CHEK1: variants seen among roughly 807,000 people sequenced by gnomAD.
CHEK1 encodes checkpoint kinase 1, also known as serine/threonine-protein kinase Chk1.
A neutral mutation model predicts 60.2 loss-of-function variants in CHEK1; 32 were observed. The ratio of observed to expected loss-of-function variants is 0.53; its 90% confidence interval spans 0.40 to 0.71. The LOEUF is 0.71. Among genes scored for constraint, CHEK1 ranks in the 30% least tolerant of loss-of-function variants. CHEK1 has a pLI of 0.00. For synonymous variants in CHEK1, 179 were observed against 187.2 expected, an observed-to-expected ratio of 0.96 and a Z score of 0.36; for missense variants, 399 against 564.6, an observed-to-expected ratio of 0.71 and a Z score of 2.97.
chr11:125,644,349 TTAGATA>T, intron 10 of CHEK1, 81 bp downstream of exon 10: 1 of 1,475,216 alleles, frequency 6.8e-7, no homozygotes, highest in Non-Finnish European at 9.1e-7. Context: ...TGTGTAAATC[TTAGATA>T]TATAACTTTT....
intron 13 of CHEK1, among the ~76,000 whole-genome samples, chr11:125,664,791 T>C (rs1402030800): frequency 6.6e-6 from 1 of 152,232 alleles, no homozygotes; most frequent in African/African-American, 2.4e-5. Context: ...ATACTATGTC[T>C]GTTTTTGCTT....
intron 8 of CHEK1, chr11:125,643,563 T>G: frequency 2.1e-6 from 1 of 483,778 alleles, no homozygotes; most frequent in Non-Finnish European, 3.7e-6. Context: ...AGATCATACT[T>G]AGGTATTGTA....
intron 11 of CHEK1, among the ~76,000 whole-genome samples, chr11:125,647,426 T>C (rs1166284113): frequency 6.6e-6 from 1 of 152,102 alleles, no homozygotes; most frequent in African/African-American, 2.4e-5. Context: ...ACTATGTTGA[T>C]TACTGTAGCT....
At chr11:125,641,308 C>T (rs753054080) in intron 8 of CHEK1, among the ~76,000 whole-genome samples, 5 of 152,082 alleles carry the variant, frequency 3.3e-5, no homozygotes, top group South Asian at 2.1e-4. Flanking sequence ...TCTCACTGGT[C>T]GCTCTTTTCA....
In CHEK1 at chr11:125,633,496, T is replaced by C. The variant is rs1278601938; in HGVS notation, c.613+145T>C. ...GACAGGGTCTCACTCTTGGCCAGAC[T>C]GGAGTACAGTGAGCTGTTATAGCTC... On this transcript the variant is annotated intron_variant, in intron 6 of 12. Coordinates refer to ENST00000438015, the MANE Select transcript of CHEK1 (RefSeq NM_001114122.3). 8.1e-6 allele frequency: 5 copies of C among 618,208 alleles called. No individual in the cohort carries two copies. In the African/African-American group the frequency reaches 9.7e-5, roughly 12 times the overall value. The allele number at this position is 618,208 out of a possible 1,614,324, so 38.3% of individuals were successfully genotyped here.
intron 11 of CHEK1, among the ~76,000 whole-genome samples, chr11:125,651,618 AG>A (rs1941737328): frequency 6.6e-6 from 1 of 152,060 alleles, no homozygotes; most frequent in Non-Finnish European, 1.5e-5. Flanking sequence ...GTCATTTTAG[AG>A]GGTCAGATCG....
chr11:125,641,054 G>GT (rs766004474), intron 8 of CHEK1, among the ~76,000 whole-genome samples: 1 of 152,106 alleles, frequency 6.6e-6, no homozygotes, highest in Non-Finnish European at 1.5e-5. Context: ...CTACCTGCTT[G>GT]TAACTCCCTT....
At chr11:125,679,459 C>CT (rs1480110380), downstream of CHEK1, among the ~76,000 whole-genome samples, 2 of 152,212 alleles carry the variant, frequency 1.3e-5, no homozygotes, top group East Asian at 3.9e-4. Context: ...CTCAAGTGAT[C>CT]CGCCCGCCTC....
intron 3 of CHEK1, among the ~76,000 whole-genome samples, chr11:125,629,004 G>C (rs1467206724): frequency 1.3e-5 from 2 of 152,146 alleles, no homozygotes; most frequent in Admixed American, 1.3e-4. Flanking sequence ...TCTTGATTTG[G>C]ATATTGGTTT....
At chr11:125,676,199 C>G in exon 14 of CHEK1, 1 of 952,126 alleles carries the variant, frequency 1.1e-6, no homozygotes, top group Non-Finnish European at 1.5e-6. Flanking sequence ...TGAGCCACCT[C>G]GCCTGGCAAG....
At chr11:125,628,572 T>A (rs1940721974) in intron 3 of CHEK1, among the ~76,000 whole-genome samples, 2 of 152,164 alleles carry the variant, frequency 1.3e-5, no homozygotes, top group Admixed American at 6.5e-5. Flanking sequence ...ATAATAAAAC[T>A]GTTTCACGAA....
intron 5 of CHEK1, 102 bp from the exon 6 acceptor site, chr11:125,633,061 A>T: frequency 9.8e-7 from 1 of 1,016,538 alleles, no homozygotes; most frequent in Non-Finnish European, 1.4e-6. Context: ...TACAAACCTT[A>T]AGTAACACCA....
At chr11:125,633,930 G>A (rs920972240) in intron 6 of CHEK1, among the ~76,000 whole-genome samples, 1 of 151,586 alleles carries the variant, frequency 6.6e-6, no homozygotes, top group African/African-American at 2.4e-5. Context: ...TTCCTGATTT[G>A]CAGATGGCTG....
In CHEK1 at chr11:125,672,488, A is replaced by G. The variant is rs990196143; in HGVS notation, c.*28-3440A>G. 18 of 1,340,158 alleles carry G rather than the reference A, an allele frequency of 1.3e-5. No homozygotes were observed. The African/African-American group carries it at 2.3e-4, about 17-fold the overall frequency. The allele number at this position is 1,340,158 out of a possible 1,614,324, so 83.0% of individuals were successfully genotyped here. On this transcript the variant is annotated intron_variant, in intron 13 of 13. Transcript: ENST00000428830. ...CATCCTAATGCTCAGGCAGAGGCAGATGTGGTCAGTTGTTGACTGGGGAAG... is the reference window on the plus strand; with the variant it reads ...CATCCTAATGCTCAGGCAGAGGCAGGTGTGGTCAGTTGTTGACTGGGGAAG...
At chr11:125,657,187 TTG>T (rs3831425), downstream of CHEK1, 5,531 of 147,090 alleles carry the variant, frequency 0.038, 137 homozygotes, top group Middle Eastern at 0.049. Context: ...CAACCTATGC[TTG>T]TGTGTGTGTG....
chr11:125,633,559 G>A (rs920753764), intron 6 of CHEK1, among the ~76,000 whole-genome samples: 1 of 151,992 alleles, frequency 6.6e-6, no homozygotes, highest in African/African-American at 2.4e-5. Context: ...GCAATCCTCT[G>A]GCCTCACTCT....
At chr11:125,678,240 T>G (rs1319983611), downstream of CHEK1, 2 of 1,614,080 alleles carry the variant, frequency 1.2e-6, no homozygotes, top group Non-Finnish European at 1.7e-6. Context: ...TGGAAGTTGC[T>G]GAACTGAAGT....
At position 125,675,369 on chromosome 11, in the gene CHEK1, C is replaced by CA. The variant is rs1555077988; in HGVS notation, c.*28-558dup. ...TTGTTTCTTATTTCTTACATTATAA[C>CA]ATAATCTCTTTGTACACAGTTTATA... On this transcript the variant is annotated intron_variant, in intron 13 of 13. Transcript: ENST00000428830. Among the ~76,000 whole-genome samples the CA allele has an allele frequency of 6.6e-5, 10 of 152,230 alleles. No homozygotes were observed. The South Asian group carries it at 1.7e-3, about 25-fold the overall frequency.
At chr11:125,632,247 T>C (rs1940895247) in intron 5 of CHEK1, among the ~76,000 whole-genome samples, 2 of 152,256 alleles carry the variant, frequency 1.3e-5, no homozygotes, top group South Asian at 4.1e-4. Context: ...TTACAAATAA[T>C]ATTGCTATGA....
Sources: gnomAD v4.1 joint callset for allele counts (sites outside exome capture counted in the v4.1 genomes callset) on GRCh38, gnomAD v4.1.1 for gene constraint, MANE v1.5 for transcripts, NCBI Gene and HGNC (gene_info 2026-07-23, HGNC 2026-07-21) for gene names.